PRR16: variants seen among roughly 807,000 people sequenced by gnomAD.
The protein encoded by PRR16 is proline rich 16.
In PRR16, 6 loss-of-function variants were observed where a neutral mutation model predicts 18.2. The observed-to-expected ratio is 0.33, with a 90% confidence interval of 0.18 to 0.65. The LOEUF is 0.65. Among genes scored for constraint, PRR16 ranks in the 30% least tolerant of loss-of-function variants. PRR16 has a pLI of 0.74. For synonymous variants in PRR16, 151 were observed against 147.8 expected, an observed-to-expected ratio of 1.02 and a Z score of -0.16; for missense variants, 412 against 376.6, an observed-to-expected ratio of 1.09 and a Z score of -0.78.
chr5:120,763,141 A>C, the PRR16 span, among the ~76,000 whole-genome samples: 4 of 139,472 alleles, frequency 2.9e-5, no homozygotes, highest in African/African-American at 8.2e-5. Flanking sequence ...CTATGTGTCC[A>C]TTTTAATAGC....
chr5:120,653,782 A>G (rs999801106), intron 1 of PRR16, among the ~76,000 whole-genome samples: 2 of 152,020 alleles, frequency 1.3e-5, no homozygotes, highest in South Asian at 2.1e-4. Context: ...CTCTTGTGCC[A>G]TACACCTCAT....
At chr5:120,667,719 A>C (rs1756441865) in intron 1 of PRR16, among the ~76,000 whole-genome samples, 1 of 152,012 alleles carries the variant, frequency 6.6e-6, no homozygotes, top group Admixed American at 6.6e-5. Context: ...TGTACCCAGT[A>C]GTCATTCAGG....
At chr5:120,715,550 TAAC>T in the PRR16 span, among the ~76,000 whole-genome samples, 5 of 152,222 alleles carry the variant, frequency 3.3e-5, no homozygotes, top group African/African-American at 7.2e-5. Context: ...TATTGTGTGT[TAAC>T]AAACTCCTTA....
rs1028367721 is a variant in PRR16, at chr5:120,529,458, C to G, written c.159+64813C>G. Among the ~76,000 whole-genome samples the G allele has an allele frequency of 2.0e-5, 3 of 152,088 alleles. 1 individual carries two copies. Among genetic ancestry groups the G allele is most frequent in the African/African-American group, 7.2e-5 (3 of 41,432 alleles). Reference sequence around the variant, plus strand: ...GTCTTTATTTTTAAAAAGTATCTGTCTCTAAAACAAAAATCTGATTTGTCC... The same window carrying G: ...GTCTTTATTTTTAAAAAGTATCTGTGTCTAAAACAAAAATCTGATTTGTCC... On this transcript the variant is annotated intron_variant, in intron 1 of 1. Transcript: ENST00000407149.
chr5:120,656,430 G>T (rs1256865646), intron 1 of PRR16, among the ~76,000 whole-genome samples: 4 of 60,782 alleles, frequency 6.6e-5, no homozygotes, highest in East Asian at 8.7e-4. Flanking sequence ...AAGCTCCAAA[G>T]AAAATAGAAA....
chr5:120,646,424 A>G (rs1399018159), intron 1 of PRR16, among the ~76,000 whole-genome samples: 1 of 151,966 alleles, frequency 6.6e-6, no homozygotes, highest in Non-Finnish European at 1.5e-5. Flanking sequence ...CCAAGATGAG[A>G]GTATTCTAGG....
At chr5:120,530,206 T>C (rs1751498202) in intron 1 of PRR16, among the ~76,000 whole-genome samples, 1 of 143,972 alleles carries the variant, frequency 6.9e-6, no homozygotes, top group South Asian at 2.1e-4. Flanking sequence ...ATATATATAA[T>C]ATTATATATT....
the PRR16 span, among the ~76,000 whole-genome samples, chr5:120,758,752 T>C: frequency 3.9e-5 from 6 of 152,190 alleles, no homozygotes; most frequent in South Asian, 6.2e-4. Context: ...GAACTGTGAG[T>C]CAATAAACCT....
chr5:120,710,893 C>G, the PRR16 span: 1 of 151,954 alleles, frequency 6.6e-6, no homozygotes, highest in Non-Finnish European at 1.5e-5. Flanking sequence ...TTTCACTGGA[C>G]TAAAATCAAA....
At chr5:120,495,621 G>C (rs1046515215) in intron 1 of PRR16, among the ~76,000 whole-genome samples, 6 of 152,072 alleles carry the variant, frequency 3.9e-5, no homozygotes, top group African/African-American at 9.7e-5. Context: ...AGATACAGAA[G>C]ACTGACTGTA....
chr5:120,758,703 C>A, the PRR16 span, among the ~76,000 whole-genome samples: 1 of 152,046 alleles, frequency 6.6e-6, no homozygotes, highest in African/African-American at 2.4e-5. Context: ...CCTTGGCCTC[C>A]TGTTGGTGTA....
At chr5:120,740,662 T>G in the PRR16 span, among the ~76,000 whole-genome samples, 2 of 152,294 alleles carry the variant, frequency 1.3e-5, no homozygotes, top group African/African-American at 4.8e-5. Flanking sequence ...AGTTTAAATC[T>G]TCAGCTATTC....
At chr5:120,626,158 G>A (rs192893433) in intron 1 of PRR16, among the ~76,000 whole-genome samples, 1 of 152,212 alleles carries the variant, frequency 6.6e-6, no homozygotes, top group East Asian at 1.9e-4. Flanking sequence ...ATAAAACTGG[G>A]TTGTGATGTC....
Position 120,653,132 on chromosome 5 carries a change from G to A in PRR16, c.160-32822G>A, listed in dbSNP as rs540076276. Among the ~76,000 whole-genome samples, 243 of 151,882 alleles carry A rather than the reference G, an allele frequency of 1.6e-3. 1 individual carries two copies. The highest frequency in any genetic ancestry group is 2.8e-3 in the Non-Finnish European group (188 of 67,928). ...AAATCAAGAAAAATGGTTTCACTTG[G>A]GAGAGGAAAGTGACTGTGGAAGGAG... On this transcript the variant is annotated intron_variant, in intron 1 of 1. Transcript: ENST00000407149.
chr5:120,678,692 T>C (rs1756882190), intron 1 of PRR16, among the ~76,000 whole-genome samples: 1 of 152,156 alleles, frequency 6.6e-6, no homozygotes, highest in Admixed American at 6.5e-5. Context: ...TTTCGTGGAG[T>C]TTCTAGTCTT....
At chr5:120,760,199 C>G in the PRR16 span, among the ~76,000 whole-genome samples, 1 of 151,954 alleles carries the variant, frequency 6.6e-6, no homozygotes, top group East Asian at 1.9e-4. Context: ...AGTAAATGTA[C>G]AGATTAGTAA....
intron 1 of PRR16, among the ~76,000 whole-genome samples, chr5:120,658,716 G>A (rs574806553): frequency 6.6e-6 from 1 of 151,906 alleles, no homozygotes; most frequent in South Asian, 2.1e-4. Context: ...ATAATAAAAT[G>A]CCAGCAGTAG....
chr5:120,698,508 A>AGTCTAAACTGG, the PRR16 span, among the ~76,000 whole-genome samples: 1 of 118,838 alleles, frequency 8.4e-6, no homozygotes, highest in African/African-American at 3.3e-5. Flanking sequence ...GCTTGGAGAA[A>AGTCTAAACTGG]CAGTGTAAAC....
intron 1 of PRR16, among the ~76,000 whole-genome samples, chr5:120,657,858 A>G (rs1313543376): frequency 6.6e-6 from 1 of 151,924 alleles, no homozygotes; most frequent in Non-Finnish European, 1.5e-5. Flanking sequence ...GGAATTTACC[A>G]TTAAGAACTG....
Sources: gnomAD v4.1 joint callset for allele counts (sites outside exome capture counted in the v4.1 genomes callset) on GRCh38, gnomAD v4.1.1 for gene constraint, MANE v1.5 for transcripts, NCBI Gene and HGNC (gene_info 2026-07-23, HGNC 2026-07-21) for gene names.